FHIT: variants seen among roughly 807,000 people sequenced by gnomAD.
FHIT encodes fragile histidine triad diadenosine triphosphatase.
In FHIT, 19 loss-of-function variants were observed where a neutral mutation model predicts 17.9. The ratio of observed to expected loss-of-function variants is 1.06; its 90% CI spans 0.74 to 1.56. FHIT has a LOEUF of 1.56. FHIT is among the 40% of genes most tolerant of loss of function. The pLI, the probability that FHIT is intolerant of heterozygous loss-of-function variation, is 0.00. For missense variants in FHIT, 248 were observed against 189.2 expected, an observed-to-expected ratio of 1.31 and a Z score of -1.82; for synonymous variants, 81 against 69.7, an observed-to-expected ratio of 1.16 and a Z score of -0.81.
In FHIT at chr3:60,400,228, T is replaced by C. The variant is rs892663297; in HGVS notation, c.103+136632A>G. ...ATTCAGGAGTTGTCCCTAGATACTATAGCAGGGTAAGAAATGGAAGCGGAG... is the reference window on the plus strand; with the variant it reads ...ATTCAGGAGTTGTCCCTAGATACTACAGCAGGGTAAGAAATGGAAGCGGAG... On this transcript the variant is annotated intron_variant, in intron 5 of 9. Coordinates refer to ENST00000492590, the MANE Select transcript of FHIT (RefSeq NM_002012.4). 6.6e-5 allele frequency among the ~76,000 whole-genome samples: 10 copies of C among 152,178 alleles called. 1 individual carries two copies. Among genetic ancestry groups the C allele is most frequent in the Admixed American group, 4.6e-4 (7 of 15,280 alleles).
intron 5 of FHIT, among the ~76,000 whole-genome samples, chr3:60,269,222 G>T (rs998395305): frequency 6.6e-6 from 1 of 152,124 alleles, no homozygotes; most frequent in African/African-American, 2.4e-5. Flanking sequence ...GAACTAAGAA[G>T]AACACCTAAA....
intron 5 of FHIT, among the ~76,000 whole-genome samples, chr3:60,124,454 T>A (rs372863789): frequency 6.6e-6 from 1 of 152,116 alleles, no homozygotes; most frequent in Non-Finnish European, 1.5e-5. Flanking sequence ...GGATACCTAT[T>A]CTTATAACAC....
chr3:59,833,772 A>T (rs1248629327), intron 8 of FHIT, among the ~76,000 whole-genome samples: 1 of 152,110 alleles, frequency 6.6e-6, no homozygotes. Flanking sequence ...CCACATGTTG[A>T]GGGAGAGACC....
At chr3:60,198,178 G>T (rs1414442456) in intron 5 of FHIT, among the ~76,000 whole-genome samples, 3 of 152,086 alleles carry the variant, frequency 2.0e-5, no homozygotes, top group African/African-American at 7.2e-5. Context: ...AGACTCTCCA[G>T]GTCCAGTTCA....
rs73097019 is a variant in FHIT, at chr3:61,203,800, C to G, written c.-212-3135G>C. ...AAGGCATTAAAGATATGCACTAAAACTACTGATTAACTTGTTAAGGATAAC... is the reference window on the plus strand; with the variant it reads ...AAGGCATTAAAGATATGCACTAAAAGTACTGATTAACTTGTTAAGGATAAC... On this transcript the variant is annotated intron_variant, in intron 1 of 9. Transcript: ENST00000492590. 7.1e-3 allele frequency among the ~76,000 whole-genome samples: 1,077 copies of G among 152,294 alleles called. 7 individuals are homozygous for G. The highest frequency in any genetic ancestry group is 0.011 in the Non-Finnish European group (752 of 68,026).
intron 5 of FHIT, among the ~76,000 whole-genome samples, chr3:60,468,258 T>C (rs923201130): frequency 2.0e-5 from 3 of 152,156 alleles, no homozygotes; most frequent in Admixed American, 6.5e-5. Context: ...TCAGCCACTC[T>C]ACATCTTTCG....
intron 4 of FHIT, among the ~76,000 whole-genome samples, chr3:60,794,616 T>A (rs1387299419): frequency 6.6e-6 from 1 of 152,224 alleles, no homozygotes; most frequent in African/African-American, 2.4e-5. Context: ...AAGAGTATAT[T>A]AACACATTGC....
intron 4 of FHIT, among the ~76,000 whole-genome samples, chr3:60,596,518 T>G (rs1170945683): frequency 4.6e-5 from 7 of 152,148 alleles, no homozygotes; most frequent in Admixed American, 1.3e-4. Flanking sequence ...TGCTATCTCC[T>G]TCTGGATCTC....
intron 4 of FHIT, among the ~76,000 whole-genome samples, chr3:60,545,989 T>C (rs2107615488): frequency 6.6e-6 from 1 of 152,364 alleles, no homozygotes; most frequent in South Asian, 2.1e-4. Flanking sequence ...TTACTACATG[T>C]GGATATGTTC....
chr3:60,665,050 G>A (rs1553692128), intron 4 of FHIT, among the ~76,000 whole-genome samples: 1 of 151,806 alleles, frequency 6.6e-6, no homozygotes, highest in Non-Finnish European at 1.5e-5. Flanking sequence ...TTATTGATGT[G>A]AGGCCTTTAA....
intron 8 of FHIT, among the ~76,000 whole-genome samples, chr3:59,897,085 T>A (rs2107051248): frequency 6.6e-6 from 1 of 152,180 alleles, no homozygotes; most frequent in South Asian, 2.1e-4. Context: ...TCCAACAACA[T>A]CCCCAAAACT....
At chr3:61,145,045 A>T (rs1334301553) in intron 2 of FHIT, among the ~76,000 whole-genome samples, 1 of 152,158 alleles carries the variant, frequency 6.6e-6, no homozygotes, top group Non-Finnish European at 1.5e-5. Flanking sequence ...AAGTTTTAAC[A>T]AAGTCTAAAT....
chr3:60,237,970 T>A (rs1704897339), intron 5 of FHIT, among the ~76,000 whole-genome samples: 1 of 151,726 alleles, frequency 6.6e-6, no homozygotes, highest in Non-Finnish European at 1.5e-5. Context: ...ACTCCATCTC[T>A]ACTAAAAATA....
In FHIT at chr3:60,789,154, GTGTATA is replaced by G. The variant is rs782151366; in HGVS notation, c.-18+32759_-18+32764del. On this transcript the variant is annotated intron_variant, in intron 4 of 9. Coordinates refer to ENST00000492590, the MANE Select transcript of FHIT (RefSeq NM_002012.4). ...TATATAGAGAGAGATGTGTGTGTGT[GTGTATA>G]TATATATATATATATAGAGAGAGAG... 2.4e-3 allele frequency among the ~76,000 whole-genome samples: 288 copies of G among 117,606 alleles called. 1 individual carries two copies. Among genetic ancestry groups the G allele is most frequent in the African/African-American group, 9.1e-3 (267 of 29,360 alleles). The allele number at this position is 117,606 out of a possible 152,430, so 77.2% of individuals were successfully genotyped here. A position where few individuals can be genotyped will look rare whatever the true frequency, so the allele number is the denominator to read the frequency against.
intron 4 of FHIT, among the ~76,000 whole-genome samples, chr3:60,610,819 T>C (rs1403798601): frequency 6.6e-6 from 1 of 152,236 alleles, no homozygotes; most frequent in African/African-American, 2.4e-5. Context: ...GCTCTCACCC[T>C]ACGCCAGTCT....
At chr3:60,620,553 A>G (rs1316519756) in intron 4 of FHIT, among the ~76,000 whole-genome samples, 1 of 152,070 alleles carries the variant, frequency 6.6e-6, no homozygotes, top group African/African-American at 2.4e-5. Flanking sequence ...TAAGGGCTGC[A>G]TACTGTGTGA....
At chr3:60,740,965 G>T (rs2108008801) in intron 4 of FHIT, among the ~76,000 whole-genome samples, 1 of 152,204 alleles carries the variant, frequency 6.6e-6, no homozygotes, top group Middle Eastern at 3.4e-3. Context: ...TGGCTCTGTG[G>T]CCTTCCCATC....
intron 5 of FHIT, among the ~76,000 whole-genome samples, chr3:60,391,259 T>C (rs1242649853): frequency 1.3e-5 from 2 of 152,108 alleles, no homozygotes; most frequent in Non-Finnish European, 1.5e-5. Flanking sequence ...GCTGAGATTA[T>C]TGAAGAAAGA....
chr3:61,169,840 T>G (rs979390389), intron 2 of FHIT, among the ~76,000 whole-genome samples: 9 of 152,124 alleles, frequency 5.9e-5, no homozygotes, highest in Non-Finnish European at 1.2e-4. Context: ...AGTCAGGGAT[T>G]TATAGCCAGT....
Sources: gnomAD v4.1 joint callset for allele counts (sites outside exome capture counted in the v4.1 genomes callset) on GRCh38, gnomAD v4.1.1 for gene constraint, MANE v1.5 for transcripts, NCBI Gene and HGNC (gene_info 2026-07-23, HGNC 2026-07-21) for gene names.